The following INPP5J variants were observed in gnomAD, a reference collection of about 807,000 sequenced individuals.
INPP5J encodes the protein phosphatidylinositol 4,5-bisphosphate 5-phosphatase A.
Under a neutral mutation model 86.6 loss-of-function variants are expected in INPP5J, and 75 were observed. The observed-to-expected ratio is 0.87, with a 90% confidence interval of 0.72 to 1.05. The LOEUF is 1.05. INPP5J is among the 50% of genes least tolerant of loss of function. The probability of loss-of-function intolerance (pLI) is 0.00; values close to 1 mark genes in which losing one functional copy is unlikely to be tolerated. For missense variants in INPP5J, 1,229 were observed against 1,341.2 expected (o/e 0.92, Z 1.31); for synonymous variants, 540 against 550.0 (o/e 0.98, Z 0.25).
chr22:31,131,617 T>C (rs1045479130), intron 9 of INPP5J, among the ~76,000 whole-genome samples: 34 of 151,894 alleles, frequency 2.2e-4, no homozygotes, highest in Non-Finnish European at 4.0e-4. Flanking sequence ...GCCTGTGTAG[T>C]GCACTTTACA....
intron 9 of INPP5J, among the ~76,000 whole-genome samples, chr22:31,130,386 C>T (rs907940659): frequency 6.6e-6 from 1 of 151,550 alleles, no homozygotes; most frequent in African/African-American, 2.4e-5. Flanking sequence ...AGGTGGTGCA[C>T]ACCTGTATTC....
At chr22:31,130,042 TA>T (rs1264286719) in intron 9 of INPP5J, among the ~76,000 whole-genome samples, 4 of 150,756 alleles carry the variant, frequency 2.7e-5, no homozygotes, top group Admixed American at 1.3e-4. Context: ...ACACTGTCTT[TA>T]AAAAAAATCA....
At chr22:31,123,310 T>G (rs1921041137) in intron 1 of INPP5J, among the ~76,000 whole-genome samples, 191 bp downstream of exon 1, 1 of 151,928 alleles carries the variant, frequency 6.6e-6, no homozygotes, top group African/African-American at 2.4e-5. Context: ...CGGAGACAGA[T>G]GAAGTTAGCC....
intron 9 of INPP5J, 72 bp from the exon 10 acceptor site, chr22:31,133,026 A>C: frequency 9.1e-6 from 14 of 1,538,032 alleles, no homozygotes; most frequent in East Asian, 2.5e-5. Flanking sequence ...CTAAGACCCA[A>C]GAGCCTTAAG....
intron 2 of INPP5J, 140 bp downstream of exon 2, chr22:31,126,150 G>A (rs1921398271): frequency 2.2e-6 from 2 of 903,132 alleles, no homozygotes; most frequent in Admixed American, 5.8e-5. Context: ...GGCCCACTCT[G>A]TGACGCTCAG....
intron 9 of INPP5J, among the ~76,000 whole-genome samples, chr22:31,130,535 TA>T (rs1921975070): frequency 6.6e-6 from 1 of 151,520 alleles, no homozygotes. Context: ...AAAATTCACA[TA>T]TGCATCATCA....
rs772704548 is a variant in INPP5J, at chr22:31,134,121, G to A, written c.2723G>A (p.Gly908Asp). ...CGGCCCTCATCCCGTGAACGCCGTG[G>A]TGCCAGCCGTAGCCCCTCACCCCAG... ...ALRPSSRERRGASRSPSPQSR... is the reference protein window; with the variant it reads ...ALRPSSRERRDASRSPSPQSR... The change falls in exon 13 of 13, where the codon GGT (glycine) becomes GAT (aspartate). Residue 908 changes from glycine to aspartate, a missense_variant. By Grantham distance (94) the Gly-to-Asp change is moderately conservative. Transcript: ENST00000331075. The A allele has an allele frequency of 6.4e-7, 1 of 1,551,058 alleles. No homozygotes were observed. The highest frequency in any genetic ancestry group is 1.2e-5 in the South Asian group (1 of 84,106).
At position 31,127,957 on chromosome 22, in the gene INPP5J, G is replaced by T. The variant is rs767224665; in HGVS notation, c.1794G>T (p.Val598=). 6.2e-7 allele frequency: 1 copy of T among 1,600,834 alleles called. No individual in the cohort carries two copies. Among genetic ancestry groups the T allele is most frequent in the Non-Finnish European group, 8.5e-7 (1 of 1,175,588 alleles). The change falls in exon 7 of 13, where the codon GTG becomes GTT. Residue 598 remains valine, a synonymous_variant. Coordinates refer to ENST00000331075, the MANE Select transcript of INPP5J (RefSeq NM_001284285.2). ...CATCCCCCACCCCAAACAGCCTCGT[G>T]TTCTGGTTCGGGGACCTGAACTTCC... ...GAQGILDHDL[V]FWFGDLNFRI...
chr22:31,126,869 G>C (rs1020700034), intron 4 of INPP5J, 52 bp from the exon 5 acceptor site: 6 of 1,474,746 alleles, frequency 4.1e-6, no homozygotes, highest in Non-Finnish European at 5.7e-6. Flanking sequence ...AGGTGGGCGC[G>C]AGGGCGGGGG....
rs191491379 is a variant in INPP5J, at chr22:31,128,933, T to C, written c.2193+279T>C. On this transcript the variant is annotated intron_variant, in intron 9 of 12. Transcript: ENST00000331075. ...TTCAGAGCCCATGCCTTTTCTTTTTTTTTTTTTTTTTTTTTTTGAGACAGA... is the reference window on the plus strand; with the variant it reads ...TTCAGAGCCCATGCCTTTTCTTTTTCTTTTTTTTTTTTTTTTTGAGACAGA... Among the ~76,000 whole-genome samples the C allele has an allele frequency of 9.8e-4, 141 of 143,288 alleles. 1 individual carries two copies. In the East Asian group the frequency reaches 0.021, roughly 21 times the overall value. 94.0% of individuals were successfully genotyped at this position (143,288 alleles called of 152,430 possible).
In INPP5J at chr22:31,123,063, G is replaced by A. The variant is rs1244529860; in HGVS notation, c.49G>A (p.Gly17Ser). The A allele has an allele frequency of 2.7e-6, 4 of 1,484,232 alleles. No individual in the cohort carries two copies. The highest frequency in any genetic ancestry group is 3.6e-6 in the Non-Finnish European group (4 of 1,120,372). The allele number at this position is 1,484,232 out of a possible 1,614,324, so 91.9% of individuals were successfully genotyped here. A position where few individuals can be genotyped will look rare whatever the true frequency, so the allele number is the denominator to read the frequency against. ...CAGCAGGAGGCCAGGGACCCGGGCT[G>A]GCCTGGGTTCCCTGCCCATGCCCCA... ...RGSRRPGTRA[G>S]LGSLPMPQGV... The change falls in exon 1 of 13, where the codon GGC becomes AGC. Residue 17 changes from glycine (G) to serine (S), a missense_variant. Physicochemically the swap from Gly to Ser is moderately conservative, Grantham distance 56 (BLOSUM62 0). Transcript: ENST00000331075.
chr22:31,125,671 G>GC lies in INPP5J; in HGVS notation c.932_933insC (p.Pro312SerfsTer56), dbSNP rs1365999113. On this transcript the variant is annotated frameshift_variant, in exon 2 of 13. Coordinates refer to ENST00000331075, the MANE Select transcript of INPP5J (RefSeq NM_001284285.2). LOFTEE classifies it high-confidence loss of function. ...ACCTTGCCCTTGGATGTGGGCCAGGGTCCTTCAGAGCCTGGCACTCACTCC... is the reference window on the plus strand; with the variant it reads ...ACCTTGCCCTTGGATGTGGGCCAGGGCTCCTTCAGAGCCTGGCACTCACTCC... The GC allele has an allele frequency of 1.9e-6, 3 of 1,550,426 alleles. No homozygotes were observed. In the African/African-American group the frequency reaches 4.1e-5, roughly 21 times the overall value.
intron 9 of INPP5J, among the ~76,000 whole-genome samples, chr22:31,131,208 A>G (rs1922033673): frequency 6.6e-6 from 1 of 152,156 alleles, no homozygotes; most frequent in Admixed American, 6.5e-5. Context: ...CCTCACCTGA[A>G]AAATCACTCC....
intron 6 of INPP5J, 155 bp from the exon 7 acceptor site, chr22:31,127,795 CT>C: frequency 1.5e-6 from 1 of 651,156 alleles, no homozygotes; most frequent in Non-Finnish European, 2.7e-6. Flanking sequence ...TTCCTCTGCC[CT>C]TTGGTGGGCT....
intron 9 of INPP5J, among the ~76,000 whole-genome samples, chr22:31,129,178 C>T (rs968572579): frequency 3.3e-5 from 5 of 150,258 alleles, no homozygotes; most frequent in Non-Finnish European, 7.4e-5. Flanking sequence ...GATCCACCCA[C>T]CTTGGCCTCC....
intron 9 of INPP5J, among the ~76,000 whole-genome samples, chr22:31,129,080 C>A (rs1311044185): frequency 6.6e-6 from 1 of 151,084 alleles, no homozygotes; most frequent in Admixed American, 6.6e-5. Context: ...TTACATCACC[C>A]GCCACCACGC....
At chr22:31,126,879 G>C (rs1456554296) in intron 4 of INPP5J, 42 bp from the exon 5 acceptor site, 11 of 1,503,256 alleles carry the variant, frequency 7.3e-6, no homozygotes, top group African/African-American at 2.8e-5. Flanking sequence ...GAGGGCGGGG[G>C]AGTTGTGTTC....
chr22:31,131,536 C>A (rs1305661216), intron 9 of INPP5J, among the ~76,000 whole-genome samples: 2 of 151,408 alleles, frequency 1.3e-5, no homozygotes, highest in Non-Finnish European at 1.5e-5. Context: ...GCACTCCAGC[C>A]TGGGCTACAG....
chr22:31,133,593 A>G lies in INPP5J; in HGVS notation c.2410-17A>G. On this transcript the variant is annotated splice_polypyrimidine_tract_variant and intron_variant, in intron 11 of 12. Transcript: ENST00000331075. ...TCCCTGACCCCCAACTTAGGCTTATACCCCTGGGCCTACCAGGTAACATTC... is the reference window on the plus strand; with the variant it reads ...TCCCTGACCCCCAACTTAGGCTTATGCCCCTGGGCCTACCAGGTAACATTC... 6.2e-7 allele frequency: 1 copy of G among 1,603,818 alleles called. No individual in the cohort carries two copies. Among genetic ancestry groups the G allele is most frequent in the Non-Finnish European group, 8.5e-7 (1 of 1,173,200 alleles).
Sources: gnomAD v4.1 joint callset for allele counts (sites outside exome capture counted in the v4.1 genomes callset) on GRCh38, gnomAD v4.1.1 for gene constraint, MANE v1.5 for transcripts, NCBI Gene and HGNC (gene_info 2026-07-23, HGNC 2026-07-21) for gene names.